ARHGAP6: variants seen among roughly 807,000 people sequenced by gnomAD.
The protein encoded by ARHGAP6 is rho GTPase-activating protein 6.
ARHGAP6 carries 16 observed loss-of-function variants against 55.7 expected under a neutral mutation model. The ratio of observed to expected loss-of-function variants is 0.29; its 90% CI spans 0.19 to 0.44. The LOEUF is 0.44. Ranked by LOEUF, ARHGAP6 falls within the 20% of genes least tolerant of loss-of-function variation. The probability of loss-of-function intolerance (pLI) is 1.00; values close to 1 mark genes in which losing one functional copy is unlikely to be tolerated. For missense variants in ARHGAP6, 698 were observed against 808.9 expected, an observed-to-expected ratio of 0.86 and a Z score of 1.66; for synonymous variants, 382 against 360.9, an observed-to-expected ratio of 1.06 and a Z score of -0.66.
intron 10 of ARHGAP6, among the ~76,000 whole-genome samples, chrX:11,150,542 G>T (rs746755866): frequency 1.8e-5 from 2 of 111,966 alleles, no homozygotes; most frequent in East Asian, 5.6e-4. Context: ...TGCCCAAACA[G>T]AATTTCCTTA....
At chrX:11,390,884 A>C (rs1603167257) in intron 1 of ARHGAP6, among the ~76,000 whole-genome samples, 1 of 112,099 alleles carries the variant, frequency 8.9e-6, no homozygotes, top group African/African-American at 3.2e-5. Context: ...AACTAGTTCA[A>C]CCATTGTGGA....
intron 10 of ARHGAP6, among the ~76,000 whole-genome samples, chrX:11,152,091 C>G (rs1414383180): frequency 1.8e-5 from 2 of 111,863 alleles, no homozygotes; most frequent in African/African-American, 6.5e-5. Context: ...GAGCATAATT[C>G]TGTATTTAAG....
At chrX:11,590,841 GA>G (rs1569410839) in intron 1 of ARHGAP6, among the ~76,000 whole-genome samples, 4 of 31,192 alleles carry the variant, frequency 1.3e-4, no homozygotes, top group East Asian at 1.1e-3. Flanking sequence ...GAAAAGAAAA[GA>G]AAAGAAAAGA....
intron 1 of ARHGAP6, among the ~76,000 whole-genome samples, chrX:11,617,943 C>T (rs1216052083): frequency 9.0e-6 from 1 of 111,514 alleles, no homozygotes; most frequent in Non-Finnish European, 1.9e-5. Flanking sequence ...TCTGTTCCTG[C>T]CAGGTAAGCC....
At chrX:11,516,336 T>C (rs1282449800) in intron 1 of ARHGAP6, among the ~76,000 whole-genome samples, 1 of 111,968 alleles carries the variant, frequency 8.9e-6, no homozygotes, top group Non-Finnish European at 1.9e-5. Context: ...TGTGCAACCA[T>C]CATCATCGTC....
intron 1 of ARHGAP6, among the ~76,000 whole-genome samples, chrX:11,354,194 A>C (rs1329669843): frequency 9.3e-6 from 1 of 107,465 alleles, no homozygotes; most frequent in East Asian, 2.9e-4. Context: ...CACCTAGCCT[A>C]CAAGTTTGTT....
In ARHGAP6 at chrX:11,207,200, T is replaced by TC. The variant is rs779877238; in HGVS notation, c.749-10205_749-10204insG. On this transcript the variant is annotated intron_variant, in intron 2 of 12. Transcript: ENST00000337414. ...GTTGTTATTCATTTTTTTCTTCTTC[T>TC]TTTTTTTTTTAGATATGGGGGTCTC... Among the ~76,000 whole-genome samples the TC allele has an allele frequency of 5.0e-3, 352 of 69,704 alleles. 1 individual carries two copies. The highest frequency in any genetic ancestry group is 0.018 in the African/African-American group (334 of 18,971). The allele number at this position is 69,704 out of a possible 115,157, so 60.5% of individuals were successfully genotyped here.
intron 1 of ARHGAP6, among the ~76,000 whole-genome samples, chrX:11,654,244 T>C (rs1189280727): frequency 8.9e-6 from 1 of 111,901 alleles, no homozygotes; most frequent in Non-Finnish European, 1.9e-5. Context: ...TTCAAACCCC[T>C]GAGAGATGAA....
chrX:11,177,379 G>C (rs2406994), intron 8 of ARHGAP6, among the ~76,000 whole-genome samples: 1 of 93,470 alleles, frequency 1.1e-5, no homozygotes, highest in Non-Finnish European at 2.1e-5. Context: ...GCGGGGGGGG[G>C]GCACACTGGG....
At chrX:11,427,758 G>T in intron 1 of ARHGAP6, 3 of 765,798 alleles carry the variant, frequency 3.9e-6, no homozygotes, top group Non-Finnish European at 1.5e-6. Flanking sequence ...GCGTCCCGCT[G>T]CCGCTGCGGA....
At chrX:11,454,965 C>G (rs2050182657) in intron 1 of ARHGAP6, among the ~76,000 whole-genome samples, 1 of 111,853 alleles carries the variant, frequency 8.9e-6, no homozygotes, top group Non-Finnish European at 1.9e-5. Context: ...ATATTTTTTT[C>G]AAGCACAACT....
chrX:11,305,110 T>C (rs1156552204), intron 1 of ARHGAP6, among the ~76,000 whole-genome samples: 1 of 111,389 alleles, frequency 9.0e-6, no homozygotes, highest in Non-Finnish European at 1.9e-5. Context: ...TTCCTCTAGA[T>C]GAGTGGTTCT....
intron 1 of ARHGAP6, among the ~76,000 whole-genome samples, chrX:11,529,459 T>A (rs1235668314): frequency 8.9e-6 from 1 of 112,222 alleles, no homozygotes; most frequent in Non-Finnish European, 1.9e-5. Context: ...TTAGGTTCAA[T>A]AGATATAAAA....
At chrX:11,598,325 C>A (rs1023337209) in intron 1 of ARHGAP6, among the ~76,000 whole-genome samples, 4 of 111,957 alleles carry the variant, frequency 3.6e-5, no homozygotes, top group Non-Finnish European at 7.5e-5. Flanking sequence ...CAAAGAATAC[C>A]AGCTTACAGT....
chrX:11,224,060 G>T (rs779689402), intron 2 of ARHGAP6, among the ~76,000 whole-genome samples: 14 of 112,049 alleles, frequency 1.2e-4, no homozygotes, highest in Middle Eastern at 4.6e-3. Flanking sequence ...GTTTGAATAG[G>T]ATTAATTTTT....
At chrX:11,325,080 G>A (rs1037156955) in intron 1 of ARHGAP6, among the ~76,000 whole-genome samples, 3 of 111,822 alleles carry the variant, frequency 2.7e-5, no homozygotes, top group South Asian at 3.8e-4. Flanking sequence ...GGATGGTCTC[G>A]ATCTCCTGAC....
intron 8 of ARHGAP6, among the ~76,000 whole-genome samples, chrX:11,174,564 TCC>T (rs1180096752): frequency 0.017 from 1,360 of 79,434 alleles, 36 homozygotes; most frequent in African/African-American, 0.035. Flanking sequence ...CTTCCTTCCT[TCC>T]TTCCTTCCTT....
chrX:11,583,531 T>C (rs1013128584), intron 1 of ARHGAP6, among the ~76,000 whole-genome samples: 8 of 112,620 alleles, frequency 7.1e-5, no homozygotes, highest in African/African-American at 2.3e-4. Flanking sequence ...GGGAACAGCA[T>C]AGCCAACTAG....
intron 1 of ARHGAP6, among the ~76,000 whole-genome samples, chrX:11,539,566 A>C (rs1483152908): frequency 8.9e-6 from 1 of 111,913 alleles, no homozygotes; most frequent in East Asian, 2.8e-4. Flanking sequence ...AAACTCAGAC[A>C]CTCGAGAGTA....
Sources: gnomAD v4.1 joint callset for allele counts (sites outside exome capture counted in the v4.1 genomes callset) on GRCh38, gnomAD v4.1.1 for gene constraint, MANE v1.5 for transcripts, NCBI Gene and HGNC (gene_info 2026-07-23, HGNC 2026-07-21) for gene names.